TECRL: variants seen among roughly 807,000 people sequenced by gnomAD.
TECRL encodes trans-2,3-enoyl-CoA reductase-like.
TECRL carries 63 observed loss-of-function variants against 52.8 expected under a neutral mutation model. That is an observed-to-expected ratio of 1.19 (90% CI 0.97 to 1.47). TECRL has a LOEUF of 1.47. Ranked by LOEUF, TECRL falls within the 40% of genes most tolerant of loss-of-function variation. The pLI is 0.00. For missense variants in TECRL, 482 were observed against 429.6 expected, an observed-to-expected ratio of 1.12 and a Z score of -1.08; for synonymous variants, 164 against 141.9, an observed-to-expected ratio of 1.16 and a Z score of -1.10.
intron 2 of TECRL, among the ~76,000 whole-genome samples, chr4:64,356,631 T>C (rs766313605): frequency 8.5e-5 from 13 of 152,160 alleles, no homozygotes; most frequent in Non-Finnish European, 1.9e-4. Context: ...GCTGACCTTC[T>C]CCCTATTATC....
rs1560516713 is a variant in TECRL at position 64,345,923 on chromosome 4, A to AAAAAAAAAAAAAAAAAAAAAAAAAC, written c.287-17368_287-17367insGTTTTTTTTTTTTTTTTTTTTTTTT. Among the ~76,000 whole-genome samples the AAAAAAAAAAAAAAAAAAAAAAAAAC allele has an allele frequency of 2.1e-5, 3 of 145,214 alleles. No individual in the cohort carries two copies. The East Asian group carries it at 6.1e-4, about 29-fold the overall frequency. On this transcript the variant is annotated intron_variant, in intron 2 of 11. Coordinates refer to ENST00000381210, the MANE Select transcript of TECRL (RefSeq NM_001010874.5). ...CCTCAACAGCAAAAAAAAAAAAAAA[A>AAAAAAAAAAAAAAAAAAAAAAAAAC]AAAAAAAACATTTATCATATCCCTC...
intron 3 of TECRL, among the ~76,000 whole-genome samples, chr4:64,324,501 A>T (rs1718118772): frequency 6.6e-6 from 1 of 152,026 alleles, no homozygotes. Flanking sequence ...AAATAAAAAA[A>T]GTTAATTTGC....
At chr4:64,286,664 A>G (rs1161178341) in intron 9 of TECRL, among the ~76,000 whole-genome samples, 4 of 152,080 alleles carry the variant, frequency 2.6e-5, no homozygotes, top group Non-Finnish European at 5.9e-5. Flanking sequence ...TCACCTGCAC[A>G]TCGAAGCAAA....
At chr4:64,347,873 C>T (rs1428785612) in intron 2 of TECRL, among the ~76,000 whole-genome samples, 1 of 152,136 alleles carries the variant, frequency 6.6e-6, no homozygotes, top group Non-Finnish European at 1.5e-5. Flanking sequence ...TGTCTTTTCA[C>T]ATTAAAACCA....
intron 5 of TECRL, 42 bp downstream of exon 5, chr4:64,314,595 GTGTGTGTGTGT>G (rs1717341453): frequency 3.5e-3 from 9 of 2,560 alleles, no homozygotes; most frequent in East Asian, 0.023. Context: ...TGTATGGTGT[GTGTGTGTGTGT>G]GTGTGTGTGT....
At chr4:64,314,621 GT>G (rs1717346746) in intron 5 of TECRL, 26 bp downstream of exon 5, 2 of 1,129,536 alleles carry the variant, frequency 1.8e-6, no homozygotes, top group East Asian at 4.7e-5. Flanking sequence ...GTGTGTGTGT[GT>G]GTGTGTGTGT....
chr4:64,294,407 C>G (rs931599939), intron 8 of TECRL, among the ~76,000 whole-genome samples: 1 of 152,048 alleles, frequency 6.6e-6, no homozygotes, highest in Non-Finnish European at 1.5e-5. Flanking sequence ...CATCTTTTTC[C>G]TTTGCCAAAC....
intron 6 of TECRL, among the ~76,000 whole-genome samples, chr4:64,305,531 C>A (rs536000983): frequency 6.6e-6 from 1 of 152,154 alleles, no homozygotes; most frequent in Admixed American, 6.6e-5. Context: ...CTGCACTGCC[C>A]CTGTTATGGA....
At chr4:64,290,782 T>C (rs1723336859) in intron 8 of TECRL, among the ~76,000 whole-genome samples, 1 of 152,074 alleles carries the variant, frequency 6.6e-6, no homozygotes, top group Non-Finnish European at 1.5e-5. Context: ...TCTAGAACTG[T>C]TAGGTAAAAA....
chr4:64,354,268 T>G (rs978694896), intron 2 of TECRL, among the ~76,000 whole-genome samples: 1 of 151,880 alleles, frequency 6.6e-6, no homozygotes, highest in African/African-American at 2.4e-5. Flanking sequence ...AAAAACAAGA[T>G]CAAAGGAGGA....
chr4:64,336,460 T>C (rs1719090284), intron 2 of TECRL, among the ~76,000 whole-genome samples: 1 of 152,210 alleles, frequency 6.6e-6, no homozygotes, highest in African/African-American at 2.4e-5. Context: ...AAAAAACAGC[T>C]CCTGGATACA....
intron 2 of TECRL, among the ~76,000 whole-genome samples, chr4:64,342,431 A>ATGTG (rs1238738848): frequency 4.4e-3 from 104 of 23,846 alleles, no homozygotes; most frequent in South Asian, 9.8e-3. Flanking sequence ...TTATATATAT[A>ATGTG]TATGTGTGTG....
intron 2 of TECRL, among the ~76,000 whole-genome samples, chr4:64,346,210 G>GAAAAAGCACC (rs1719970465): frequency 6.6e-6 from 1 of 152,178 alleles, no homozygotes; most frequent in Non-Finnish European, 1.5e-5. Flanking sequence ...AGAAGCATCT[G>GAAAAAGCACC]TGGCTTTTCC....
chr4:64,401,603 A>T (rs1197702171), intron 1 of TECRL, among the ~76,000 whole-genome samples: 2 of 152,140 alleles, frequency 1.3e-5, no homozygotes, highest in East Asian at 3.9e-4. Context: ...TAAATGTGTT[A>T]TCTGTCTTTC....
intron 8 of TECRL, among the ~76,000 whole-genome samples, chr4:64,291,708 C>G (rs1171709868): frequency 6.6e-6 from 1 of 151,602 alleles, no homozygotes; most frequent in African/African-American, 2.4e-5. Flanking sequence ...AAAAAAATAG[C>G]ATATAGGTTT....
intron 4 of TECRL, among the ~76,000 whole-genome samples, chr4:64,315,671 T>C (rs1262140949): frequency 6.6e-6 from 1 of 152,040 alleles, no homozygotes; most frequent in African/African-American, 2.4e-5. Flanking sequence ...GCTGTCCACA[T>C]TGGTTAGAAA....
At position 64,322,762 on chromosome 4, in the gene TECRL, A is replaced by G; in HGVS notation, c.362T>C (p.Ile121Thr). 1 of 1,612,068 alleles carries G rather than the reference A, an allele frequency of 6.2e-7. No individual in the cohort carries two copies. Among genetic ancestry groups the G allele is most frequent in the Non-Finnish European group, 8.5e-7 (1 of 1,178,954 alleles). ...AATGGAGGAAGCTGCAATACTTTGA[A>G]TGGTAATGTAGTCCTTCAAAAAAGG... ...GGPFLKDYIT[I>T]QSIAASSIVT... The change falls in exon 4 of 12, where the codon ATT becomes ACT. Residue 121 changes from isoleucine to threonine, a missense_variant. Ile to Thr is a moderately conservative substitution (Grantham distance 89). Coordinates refer to ENST00000381210, the MANE Select transcript of TECRL (RefSeq NM_001010874.5).
chr4:64,312,090 G>C (rs1717050449), intron 5 of TECRL, among the ~76,000 whole-genome samples: 1 of 152,166 alleles, frequency 6.6e-6, no homozygotes, highest in African/African-American at 2.4e-5. Flanking sequence ...TAAGTGATCT[G>C]AAGAACTTTG....
chr4:64,359,640 C>T (rs951872107), intron 2 of TECRL, among the ~76,000 whole-genome samples: 36 of 151,872 alleles, frequency 2.4e-4, no homozygotes, highest in Non-Finnish European at 1.5e-4. Flanking sequence ...AGAAACAAAA[C>T]CATTCATAGA....
Sources: allele counts gnomAD v4.1 joint callset (sites outside exome capture counted in the v4.1 genomes callset), GRCh38; gene constraint gnomAD v4.1.1; transcripts MANE v1.5; gene names NCBI Gene and HGNC (gene_info 2026-07-23, HGNC 2026-07-21).